The following THUMPD1 variants were observed in gnomAD, a reference collection of about 807,000 sequenced individuals.
THUMPD1 encodes the protein THUMP domain 1 NAT10 acetyltransferase adaptor.
THUMPD1 carries 31 observed loss-of-function variants against 31.6 expected under a neutral mutation model. The ratio of observed to expected loss-of-function variants is 0.98; its 90% CI spans 0.74 to 1.32. The LOEUF (loss-of-function observed/expected upper bound fraction) is 1.32, where lower values mean the gene tolerates loss of function less well. THUMPD1 is among the 40% of genes most tolerant of loss of function. The probability of loss-of-function intolerance (pLI) is 0.00; values close to 1 mark genes in which losing one functional copy is unlikely to be tolerated. For missense variants in THUMPD1, 446 were observed against 427.8 expected (o/e 1.04, Z -0.38); for synonymous variants, 166 against 158.2 (o/e 1.05, Z -0.37).
chr16:20,739,552 G>A (rs1435140874), intron 1 of THUMPD1, among the ~76,000 whole-genome samples: 2 of 152,118 alleles, frequency 1.3e-5, no homozygotes, highest in Admixed American at 6.5e-5. Flanking sequence ...CGGAAGTGGT[G>A]GCTCATGCCC....
intron 1 of THUMPD1, among the ~76,000 whole-genome samples, chr16:20,740,300 CAGG>C (rs2079905756): frequency 2.0e-5 from 3 of 152,284 alleles, no homozygotes; most frequent in African/African-American, 7.2e-5. Context: ...GGGACTGAGG[CAGG>C]AGGACTGCTT....
chr16:20,741,759 G>A lies in THUMPD1; in HGVS notation c.-20C>T. The A allele has an allele frequency of 1.3e-6, 2 of 1,557,234 alleles. No homozygotes were observed. The highest frequency in any genetic ancestry group is 1.7e-6 in the Non-Finnish European group (2 of 1,150,278). On this transcript the variant is annotated 5_prime_UTR_variant, in exon 1 of 4. Coordinates refer to ENST00000396083, the MANE Select transcript of THUMPD1 (RefSeq NM_017736.5). ...CGCCATGGTGTGCGCAAACTGAGAGGAAAGAGAAACGTTTCTCCGCTGCTG... is the reference window on the plus strand; with the variant it reads ...CGCCATGGTGTGCGCAAACTGAGAGAAAAGAGAAACGTTTCTCCGCTGCTG...
chr16:20,738,232 C>T lies in THUMPD1; in HGVS notation c.407-276G>A, dbSNP rs574809206. 1.5e-3 allele frequency: 754 copies of T among 503,120 alleles called. 1 individual carries two copies. The highest frequency in any genetic ancestry group is 2.2e-3 in the Non-Finnish European group (569 of 258,824). The allele number at this position is 503,120 out of a possible 1,614,324, so 31.2% of individuals were successfully genotyped here. ...ACCGTTGTTAACATTTTTGTGATGT[C>T]CTGAGTTATCCAACCGTAACACCAT... is the stretch of plus-strand genomic sequence containing the variant. On this transcript the variant is annotated intron_variant, in intron 2 of 3. Coordinates refer to ENST00000396083, the MANE Select transcript of THUMPD1 (RefSeq NM_017736.5).
At chr16:20,739,738 T>C (rs2079901309) in intron 1 of THUMPD1, among the ~76,000 whole-genome samples, 1 of 151,598 alleles carries the variant, frequency 6.6e-6, no homozygotes, top group East Asian at 2.0e-4. Flanking sequence ...GGAGAATCGC[T>C]TGAACCCAGA....
intron 1 of THUMPD1, among the ~76,000 whole-genome samples, chr16:20,739,968 C>T (rs943389559): frequency 2.6e-5 from 4 of 152,172 alleles, no homozygotes; most frequent in Non-Finnish European, 1.5e-5. Flanking sequence ...TTAGGGTGGA[C>T]CTTAACACGT....
rs564352170 is a variant in THUMPD1 at position 20,738,769 on chromosome 16, G to A, written c.406+128C>T. The stretch of plus-strand genomic sequence containing the variant: ...TCCACAGGCCAACTGCTAATACAGT[G>A]TACAGAAGCTGCCATCAAATGATTA... On this transcript the variant is annotated intron_variant, in intron 2 of 3. Coordinates refer to ENST00000396083, the MANE Select transcript of THUMPD1 (RefSeq NM_017736.5). 1.5e-4 allele frequency: 159 copies of A among 1,075,832 alleles called. No individual in the cohort carries two copies. The African/African-American group carries it at 2.2e-3, about 15-fold the overall frequency. 66.6% of individuals were successfully genotyped at this position (1,075,832 alleles called of 1,614,324 possible).
At chr16:20,739,381 G>A (rs892456733) in intron 1 of THUMPD1, among the ~76,000 whole-genome samples, 4 of 151,960 alleles carry the variant, frequency 2.6e-5, no homozygotes, top group South Asian at 2.1e-4. Context: ...TCGCCATGTT[G>A]GTCAGGCTGG....
At position 20,741,687 on chromosome 16, in the gene THUMPD1, C is replaced by T. The variant is rs781577178; in HGVS notation, c.53G>A (p.Gly18Asp). ...TTQPGGGKRK[G>D]KAQYVLAKRA... ...CTTGGCCAGCACATACTGAGCCTTG[C>T]CTTTGCGCTTCCCGCCGCCAGGCTG... The change falls in exon 1 of 4, where the codon GGC becomes GAC. Residue 18 changes from glycine (G) to aspartate (D), a missense_variant. Gly to Asp is a moderately conservative substitution (Grantham distance 94, BLOSUM62 -1). Transcript: ENST00000396083. 2.5e-6 allele frequency: 4 copies of T among 1,582,328 alleles called. No homozygotes were observed. The South Asian group carries it at 3.5e-5, about 14-fold the overall frequency.
intron 2 of THUMPD1, chr16:20,738,177 C>A: frequency 1.7e-6 from 1 of 584,750 alleles, no homozygotes; most frequent in Non-Finnish European, 3.2e-6. Context: ...ATTATTACTG[C>A]TTGCACTAGA....
rs1342770444 is a variant in THUMPD1, at chr16:20,736,251, G to C, written c.*629C>G. On this transcript the variant is annotated 3_prime_UTR_variant, in exon 4 of 4. Coordinates refer to ENST00000396083, the MANE Select transcript of THUMPD1 (RefSeq NM_017736.5). ...TATACTGAAGTATACTCAGAAGACTGAAGTTCTTCATCACCAACCTTTTCA... is the reference window on the plus strand; with the variant it reads ...TATACTGAAGTATACTCAGAAGACTCAAGTTCTTCATCACCAACCTTTTCA... 1 of 152,174 alleles carries C rather than the reference G, an allele frequency of 6.6e-6. No homozygotes were observed. Among genetic ancestry groups the C allele is most frequent in the Non-Finnish European group, 1.5e-5 (1 of 68,140 alleles). 9.4% of individuals were successfully genotyped at this position (152,174 alleles called of 1,614,324 possible).
Position 20,738,978 on chromosome 16 carries a change from A to G in THUMPD1, c.325T>C (p.Ser109Pro), listed in dbSNP as rs767632972. The change falls in exon 2 of 4, where the codon TCT becomes CCT. Residue 109 changes from serine (S) to proline (P), a missense_variant. Ser to Pro is a moderately conservative substitution (Grantham distance 74, BLOSUM62 -1). Coordinates refer to ENST00000396083, the MANE Select transcript of THUMPD1 (RefSeq NM_017736.5). The part of the protein sequence containing the change: ...LKKEVGDIKA[S>P]TEMRLRRFQS... The stretch of plus-strand genomic sequence containing the variant: ...AATCTTCTTAACCTCATCTCTGTAG[A>G]TGCCTTAATGTCACCAACTTCTTTC... 6.2e-7 allele frequency: 1 copy of G among 1,614,200 alleles called. No individual in the cohort carries two copies. The highest frequency in any genetic ancestry group is 1.1e-5 in the South Asian group (1 of 91,084).
intron 2 of THUMPD1, 131 bp from the exon 3 acceptor site, chr16:20,738,087 C>G: frequency 1.2e-6 from 1 of 849,828 alleles, no homozygotes; most frequent in South Asian, 1.6e-5. Flanking sequence ...AATGAATCTA[C>G]CTAGTCATTC....
At chr16:20,741,481 G>GGGGGGGGGGGGGGGCCCC in intron 1 of THUMPD1, 28 bp downstream of exon 1, 10 of 1,308,408 alleles carry the variant, frequency 7.6e-6, no homozygotes, top group Non-Finnish European at 8.9e-6. Flanking sequence ...CTGGCAGCCG[G>GGGGGGGGGGGGGGGCCCC]CCCGCCCGCC....
Position 20,739,069 on chromosome 16 carries a change from A to G in THUMPD1, c.234T>C (p.Phe78=). 1.2e-6 allele frequency: 2 copies of G among 1,614,126 alleles called. No homozygotes were observed. The highest frequency in any genetic ancestry group is 1.7e-6 in the Non-Finnish European group (2 of 1,180,000). Residue 78 remains phenylalanine (F), a splice_region_variant and synonymous_variant, in exon 2 of 4, where the codon TTT becomes TTC. Coordinates refer to ENST00000396083, the MANE Select transcript of THUMPD1 (RefSeq NM_017736.5). ...CAGAGGGCTGCTGATCCTTGTCTGT[A>G]AACTGTTTGCATAAAACTAATGAGC... The part of the protein sequence containing the change: ...YGDDMYGPEK[F]TDKDQQPSGS...
rs1472980721 is a variant in THUMPD1 at position 20,733,953 on chromosome 16, T to C, written c.*2927A>G. Reference sequence around the variant, plus strand: ...ATAAAAAGCACTTCCTACCCTGGAATCCCGTCATTTATAAAATAACATGCT... The same window carrying C: ...ATAAAAAGCACTTCCTACCCTGGAACCCCGTCATTTATAAAATAACATGCT... On this transcript the variant is annotated 3_prime_UTR_variant, in exon 4 of 4. Transcript: ENST00000396083. The C allele has an allele frequency of 6.6e-6, 1 of 152,104 alleles. No homozygotes were observed. Among genetic ancestry groups the C allele is most frequent in the South Asian group, 2.1e-4 (1 of 4,830 alleles). The allele number at this position is 152,104 out of a possible 1,614,324, so 9.4% of individuals were successfully genotyped here. A position where few individuals can be genotyped will look rare whatever the true frequency, so the allele number is the denominator to read the frequency against.
chr16:20,737,165 A>G lies in THUMPD1; in HGVS notation c.777T>C (p.Phe259=). 6.2e-7 allele frequency: 1 copy of G among 1,614,200 alleles called. No individual in the cohort carries two copies. Among genetic ancestry groups the G allele is most frequent in the African/African-American group, 1.3e-5 (1 of 75,054 alleles). Residue 259 remains phenylalanine, a synonymous_variant, in exon 4 of 4, where the codon TTT becomes TTC. Coordinates refer to ENST00000396083, the MANE Select transcript of THUMPD1 (RefSeq NM_017736.5). The stretch of plus-strand genomic sequence containing the variant: ...CCACCTCCTGGAGATTGTATTTTCT[A>G]AACAACATGTAATCTTTCACAACAC... ...CLSVVKDYML[F]RKYNLQEVVK... is the part of the protein sequence containing the mutation.
chr16:20,741,478 C>CCGGGGGGGGGGGGGGG, intron 1 of THUMPD1, 31 bp downstream of exon 1: 1 of 1,336,926 alleles, frequency 7.5e-7, no homozygotes, highest in Non-Finnish European at 9.7e-7. Flanking sequence ...GGCCTGGCAG[C>CCGGGGGGGGGGGGGGG]CGGCCCGCCC....
intron 3 of THUMPD1, 98 bp from the exon 4 acceptor site, chr16:20,737,384 A>G: frequency 7.9e-7 from 1 of 1,261,822 alleles, no homozygotes; most frequent in Non-Finnish European, 1.1e-6. Context: ...AAAACAAGAC[A>G]TACAGTAATC....
Position 20,737,856 on chromosome 16 carries a change from G to A in THUMPD1, c.507C>T (p.Cys169=). The change falls in exon 3 of 4, where the codon TGC becomes TGT. Residue 169 remains cysteine (C), a synonymous_variant. Transcript: ENST00000396083. ...TTTTCATATCTTCTAAAAAAGCCTT[G>A]CATGTGCCTGAGATGGGTAACATTC... is the stretch of plus-strand genomic sequence containing the variant. The part of the protein sequence containing the change: ...ILRMLPISGT[C]KAFLEDMKKY... The A allele has an allele frequency of 3.1e-6, 5 of 1,613,752 alleles. No individual in the cohort carries two copies. The highest frequency in any genetic ancestry group is 4.2e-6 in the Non-Finnish European group (5 of 1,179,906).
Sources: gnomAD v4.1 joint callset for allele counts (sites outside exome capture counted in the v4.1 genomes callset) on GRCh38, gnomAD v4.1.1 for gene constraint, MANE v1.5 for transcripts, NCBI Gene and HGNC (gene_info 2026-07-23, HGNC 2026-07-21) for gene names.